The following TCEANC2 variants were observed in gnomAD, a reference collection of about 807,000 sequenced individuals.
TCEANC2 encodes transcription elongation factor A N-terminal and central domain-containing protein 2.
In TCEANC2, 20 loss-of-function variants were observed where a neutral mutation model predicts 22.8. The observed-to-expected ratio is 0.88, with a 90% CI of 0.62 to 1.28. The LOEUF (loss-of-function observed/expected upper bound fraction) is 1.28, where lower values mean the gene tolerates loss of function less well. Ranked by LOEUF, TCEANC2 falls within the 50% of genes most tolerant of loss-of-function variation. The probability of loss-of-function intolerance (pLI) is 0.00; values close to 1 mark genes in which losing one functional copy is unlikely to be tolerated. For missense variants in TCEANC2, 251 were observed against 249.7 expected, an observed-to-expected ratio of 1.01 and a Z score of -0.03; for synonymous variants, 84 against 95.5, an observed-to-expected ratio of 0.88 and a Z score of 0.70.
intron 3 of TCEANC2, among the ~76,000 whole-genome samples, chr1:54,084,934 A>G (rs573294049): frequency 2.2e-4 from 33 of 152,300 alleles, no homozygotes; most frequent in Admixed American, 1.4e-3. Context: ...AGAAAAGGAA[A>G]GTATCCAGGG....
At chr1:54,074,410 C>T (rs1658109946) in intron 3 of TCEANC2, among the ~76,000 whole-genome samples, 1 of 152,090 alleles carries the variant, frequency 6.6e-6, no homozygotes, top group South Asian at 2.1e-4. Context: ...TTGCAGTGAG[C>T]CGAGATCATG....
Position 54,054,464 on chromosome 1 carries a change from C to A in TCEANC2, c.42C>A (p.Ser14Arg), listed in dbSNP as rs762634160. The A allele has an allele frequency of 1.9e-6, 3 of 1,613,832 alleles. No individual in the cohort carries two copies. The African/African-American group carries it at 4.0e-5, about 22-fold the overall frequency. The change falls in exon 2 of 5, where the codon AGC becomes AGA. Residue 14 changes from serine to arginine, a missense_variant. Ser to Arg is a moderately radical substitution (Grantham distance 110). Transcript: ENST00000234827. ...TTCGAACGCCTAGAATCCAGAATAG[C>A]CCTCAGAAGAAAGATTCTGGAGGAA... Reference protein sequence around the residue: ...FVIRTPRIQNSPQKKDSGGKV... With the variant: ...FVIRTPRIQNRPQKKDSGGKV...
downstream of TCEANC2, among the ~76,000 whole-genome samples, chr1:54,106,886 C>T (rs973960210): frequency 2.0e-5 from 3 of 152,056 alleles, no homozygotes; most frequent in Non-Finnish European, 4.4e-5. Flanking sequence ...CTTTTTATTT[C>T]GGAGTTATTT....
rs1406214137 is a variant in TCEANC2 at position 54,096,153 on chromosome 1, T to G, written c.439-132T>G. 7.4e-7 allele frequency: 1 copy of G among 1,358,502 alleles called. No individual in the cohort carries two copies. Among genetic ancestry groups the G allele is most frequent in the Non-Finnish European group, 9.8e-7 (1 of 1,023,100 alleles). 84.2% of individuals were successfully genotyped at this position (1,358,502 alleles called of 1,614,324 possible). A position where few individuals can be genotyped will look rare whatever the true frequency, so the allele number is the denominator to read the frequency against. Reference sequence around the variant, plus strand: ...AATTAATTTGCTCTTCCTGTTTCTCTTGTGACAGGAAGTAGATGTCCTTGA... The same window carrying G: ...AATTAATTTGCTCTTCCTGTTTCTCGTGTGACAGGAAGTAGATGTCCTTGA... On this transcript the variant is annotated intron_variant, in intron 4 of 4. Coordinates refer to ENST00000234827, the MANE Select transcript of TCEANC2 (RefSeq NM_153035.3). The surrounding 1 kb of genome is among the most constrained non-coding windows in gnomAD (Gnocchi z 4.9).
intron 3 of TCEANC2, among the ~76,000 whole-genome samples, chr1:54,083,123 G>C (rs1050437958): frequency 2.6e-5 from 4 of 152,170 alleles, no homozygotes; most frequent in African/African-American, 4.8e-5. Flanking sequence ...ATGGTGGGTG[G>C]GTGGTGGTGC....
chr1:54,057,347 A>ATTTTTTTT (rs1163556776), intron 2 of TCEANC2, among the ~76,000 whole-genome samples: 4 of 85,930 alleles, frequency 4.7e-5, no homozygotes, highest in African/African-American at 1.5e-4. Context: ...CACCTGGCTA[A>ATTTTTTTT]TTTTTTTTTT....
At chr1:54,089,338 A>G (rs1458639879) in intron 4 of TCEANC2, among the ~76,000 whole-genome samples, 1 of 152,204 alleles carries the variant, frequency 6.6e-6, no homozygotes, top group Non-Finnish European at 1.5e-5. Flanking sequence ...TCTATTGAAA[A>G]GACTCAGATC....
chr1:54,103,763 C>G lies in TCEANC2; in HGVS notation c.*7290C>G, dbSNP rs1658700384. On this transcript the variant is annotated 3_prime_UTR_variant, in exon 5 of 5. Transcript: ENST00000234827. ...TTGGCTATATTAAACCCTGTCTACCCTGGAAAGAGCTGTGATTCATTTTCA... is the reference window on the plus strand; with the variant it reads ...TTGGCTATATTAAACCCTGTCTACCGTGGAAAGAGCTGTGATTCATTTTCA... 6.6e-6 allele frequency: 1 copy of G among 152,208 alleles called. No homozygotes were observed. The highest frequency in any genetic ancestry group is 2.4e-5 in the African/African-American group (1 of 41,438). 9.4% of individuals were successfully genotyped at this position (152,208 alleles called of 1,614,324 possible).
At chr1:54,064,692 CTTT>C (rs67486092) in intron 2 of TCEANC2, among the ~76,000 whole-genome samples, 69 of 93,672 alleles carry the variant, frequency 7.4e-4, no homozygotes, top group African/African-American at 1.9e-3. Flanking sequence ...TGCATTTTTC[CTTT>C]TTTTTTTTTT....
At chr1:54,057,790 C>T (rs556387141) in intron 2 of TCEANC2, among the ~76,000 whole-genome samples, 3 of 152,308 alleles carry the variant, frequency 2.0e-5, no homozygotes, top group South Asian at 2.1e-4. Flanking sequence ...CATGACCTGG[C>T]GCCTGCCTGC....
chr1:54,071,904 C>T lies in TCEANC2; in HGVS notation c.244+3007C>T, dbSNP rs148486881. 5.7e-3 allele frequency among the ~76,000 whole-genome samples: 865 copies of T among 151,998 alleles called. 6 individuals carry two copies. Among genetic ancestry groups the T allele is most frequent in the African/African-American group, 0.019 (805 of 41,440 alleles). On this transcript the variant is annotated intron_variant, in intron 3 of 4. Coordinates refer to ENST00000234827, the MANE Select transcript of TCEANC2 (RefSeq NM_153035.3). The stretch of plus-strand genomic sequence containing the variant: ...ACAGCTCACCGCAGCCTTGACCTCC[C>T]GGGCTCAAGTGATCCCCCCACCTCA...
At chr1:54,094,850 G>A (rs1202034488) in intron 4 of TCEANC2, among the ~76,000 whole-genome samples, 2 of 152,156 alleles carry the variant, frequency 1.3e-5, no homozygotes, top group Non-Finnish European at 2.9e-5. Context: ...TTAAAATATA[G>A]ATCATTGGCT....
Position 54,096,137 on chromosome 1 carries a change from G to T in TCEANC2, c.439-148G>T. ...TTAATTGCCAGGGTGGAATTAATTTGCTCTTCCTGTTTCTCTTGTGACAGG... is the reference window on the plus strand; with the variant it reads ...TTAATTGCCAGGGTGGAATTAATTTTCTCTTCCTGTTTCTCTTGTGACAGG... On this transcript the variant is annotated intron_variant, in intron 4 of 4. Transcript: ENST00000234827. The surrounding 1 kb of genome is among the most constrained non-coding windows in gnomAD (Gnocchi z 4.9). 7.7e-7 allele frequency: 1 copy of T among 1,295,448 alleles called. No individual in the cohort carries two copies. Among genetic ancestry groups the T allele is most frequent in the Non-Finnish European group, 1.0e-6 (1 of 973,810 alleles). 80.2% of individuals were successfully genotyped at this position (1,295,448 alleles called of 1,614,324 possible). A position where few individuals can be genotyped will look rare whatever the true frequency, so the allele number is the denominator to read the frequency against.
chr1:54,106,538 T>G (rs1038606907), downstream of TCEANC2, among the ~76,000 whole-genome samples: 1 of 152,264 alleles, frequency 6.6e-6, no homozygotes, highest in Non-Finnish European at 1.5e-5. Flanking sequence ...TGTATTTTAC[T>G]CTTACAGTGC....
At position 54,099,770 on chromosome 1, in the gene TCEANC2, A is replaced by G. The variant is rs1282073843; in HGVS notation, c.*3297A>G. The G allele has an allele frequency of 6.6e-6, 1 of 151,888 alleles. No homozygotes were observed. The highest frequency in any genetic ancestry group is 2.4e-5 in the African/African-American group (1 of 41,258). The allele number at this position is 151,888 out of a possible 1,614,324, so 9.4% of individuals were successfully genotyped here. A position where few individuals can be genotyped will look rare whatever the true frequency, so the allele number is the denominator to read the frequency against. On this transcript the variant is annotated 3_prime_UTR_variant, in exon 5 of 5. Coordinates refer to ENST00000234827, the MANE Select transcript of TCEANC2 (RefSeq NM_153035.3). ...AAAAAAAAAAAAAAAAGAGAAAAAG[A>G]AAAAAGTTGCCCCTGAAATGGGGTG...
intron 4 of TCEANC2, among the ~76,000 whole-genome samples, chr1:54,093,547 G>A (rs545222904): frequency 4.5e-4 from 68 of 152,160 alleles, no homozygotes; most frequent in African/African-American, 1.5e-3. Context: ...CCACCACACT[G>A]CTGGCATAGC....
intron 3 of TCEANC2, among the ~76,000 whole-genome samples, chr1:54,082,958 C>A (rs1210669008): frequency 6.6e-6 from 1 of 151,998 alleles, no homozygotes; most frequent in Admixed American, 6.6e-5. Context: ...TACAGTAGAC[C>A]TGTGGAGAAG....
downstream of TCEANC2, among the ~76,000 whole-genome samples, chr1:54,108,926 C>G (rs527325933): frequency 3.3e-5 from 5 of 152,096 alleles, no homozygotes; most frequent in African/African-American, 9.6e-5. Context: ...GAGCCGAGAT[C>G]GCACCACTGC....
chr1:54,089,532 T>C (rs1177687470), intron 4 of TCEANC2, among the ~76,000 whole-genome samples: 1 of 152,228 alleles, frequency 6.6e-6, no homozygotes, highest in African/African-American at 2.4e-5. Flanking sequence ...ACAAATCTTA[T>C]AAGCCGATTA....
Sources: allele counts gnomAD v4.1 joint callset (sites outside exome capture counted in the v4.1 genomes callset), GRCh38; gene constraint gnomAD v4.1.1; non-coding constraint Gnocchi (gnomAD v3.1); transcripts MANE v1.5; gene names NCBI Gene and HGNC (gene_info 2026-07-23, HGNC 2026-07-21).